SNAPC5: variants seen among roughly 807,000 people sequenced by gnomAD.
The protein encoded by SNAPC5 is snRNA-activating protein complex subunit 5.
A neutral mutation model predicts 9.1 loss-of-function variants in SNAPC5; 12 were observed. That is an observed-to-expected ratio of 1.32 (90% CI 0.85 to 2.15). SNAPC5 has a LOEUF of 2.15. SNAPC5 is among the 30% of genes most tolerant of loss of function. The pLI is 0.00. For synonymous variants in SNAPC5, 52 were observed against 47.3 expected (o/e 1.10, Z -0.41); for missense variants, 132 against 114.4 (o/e 1.15, Z -0.70).
chr15:66,497,299 T>C (rs148209259), intron 1 of SNAPC5, among the ~76,000 whole-genome samples: 57 of 152,248 alleles, frequency 3.7e-4, no homozygotes, highest in Admixed American at 9.8e-4. Flanking sequence ...CAGAGGGGTC[T>C]AGGCGAGCCT....
chr15:66,495,171 G>A, intron 2 of SNAPC5, 159 bp downstream of exon 2: 1 of 661,110 alleles, frequency 1.5e-6, no homozygotes, highest in Non-Finnish European at 2.8e-6. Context: ...GTGGTTAATG[G>A]AGAGTTGCCA....
chr15:66,495,161 G>A, intron 2 of SNAPC5, 169 bp downstream of exon 2: 2 of 643,616 alleles, frequency 3.1e-6, no homozygotes, highest in Non-Finnish European at 5.6e-6. Flanking sequence ...TGGTAGGAAG[G>A]TGGTTAATGG....
intron 2 of SNAPC5, chr15:66,494,908 G>A (rs1893375952): frequency 3.3e-6 from 1 of 305,086 alleles, no homozygotes; most frequent in African/African-American, 2.1e-5. Context: ...CTTACTTGAG[G>A]GCATTTGGTA....
downstream of SNAPC5, chr15:66,489,987 A>G (rs1192323602): frequency 3.3e-6 from 2 of 609,362 alleles, no homozygotes; most frequent in Non-Finnish European, 5.9e-6. Flanking sequence ...GCCAGAGGAA[A>G]TGCCTGAGGG....
At chr15:66,496,609 G>C (rs928930922) in intron 1 of SNAPC5, among the ~76,000 whole-genome samples, 2 of 149,130 alleles carry the variant, frequency 1.3e-5, no homozygotes, top group Non-Finnish European at 3.0e-5. Flanking sequence ...CTACAGCTTT[G>C]ACCACCTGGA....
rs747021147 is a variant in SNAPC5 at position 66,497,671 on chromosome 15, C to T, written c.61G>A (p.Ala21Thr). Reference sequence around the variant, plus strand: ...AGGCGGTTCAGCTGGTCGTGCAGGGCTGCCTTCAACCGCAGCAGCGTCTCC... The same window carrying T: ...AGGCGGTTCAGCTGGTCGTGCAGGGTTGCCTTCAACCGCAGCAGCGTCTCC... ...EEETLLRLKA[A>T]LHDQLNRLKV... Residue 21 changes from alanine to threonine, a missense_variant, in exon 1 of 3, where the codon GCC (alanine) becomes ACC (threonine). Coordinates refer to ENST00000316634, the MANE Select transcript of SNAPC5 (RefSeq NM_001329615.2). 8.1e-6 allele frequency: 13 copies of T among 1,613,906 alleles called. No individual in the cohort carries two copies. Among genetic ancestry groups the T allele is most frequent in the Admixed American group, 3.3e-5 (2 of 60,004 alleles).
chr15:66,493,972 C>CCTT lies in SNAPC5; in HGVS notation c.*461_*463dup, dbSNP rs1893340031. 1 of 155,306 alleles carries CCTT rather than the reference C, an allele frequency of 6.4e-6. No individual in the cohort carries two copies. The highest frequency in any genetic ancestry group is 2.4e-5 in the African/African-American group (1 of 41,602). The allele number at this position is 155,306 out of a possible 1,614,324, so 9.6% of individuals were successfully genotyped here. A position where few individuals can be genotyped will look rare whatever the true frequency, so the allele number is the denominator to read the frequency against. ...CTTGTGCTCTCAGACGGCCCTCAGT[C>CCTT]CTTCCCCTTGTCATCTTTCTGTCCT... is the stretch of plus-strand genomic sequence containing the variant. On this transcript the variant is annotated 3_prime_UTR_variant, in exon 3 of 3. Transcript: ENST00000316634.
Position 66,497,758 on chromosome 15 carries a change from G to C in SNAPC5, c.-27C>G, listed in dbSNP as rs762364690. The C allele has an allele frequency of 9.5e-6, 15 of 1,583,044 alleles. No homozygotes were observed. Among genetic ancestry groups the C allele is most frequent in the Admixed American group, 1.7e-5 (1 of 59,034 alleles). The stretch of plus-strand genomic sequence containing the variant: ...TTGCCTGGTCACATAGCCAACCTCC[G>C]GGCTGCTGTCGGCCCGGCACTCGGT... On this transcript the variant is annotated 5_prime_UTR_variant, in exon 1 of 3. Transcript: ENST00000316634.
intron 1 of SNAPC5, 151 bp downstream of exon 1, chr15:66,497,489 CCT>C: frequency 1.4e-6 from 1 of 721,914 alleles, no homozygotes; most frequent in Non-Finnish European, 2.5e-6. Flanking sequence ...GATTCAGATA[CCT>C]GTTTGTTTGT....
At chr15:66,490,506 A>T, downstream of SNAPC5, 2 of 1,611,350 alleles carry the variant, frequency 1.2e-6, no homozygotes, top group East Asian at 2.2e-5. Context: ...ATGCAGGTTC[A>T]TGCTTTTATC....
chr15:66,493,990 T>C lies in SNAPC5; in HGVS notation c.*446A>G, dbSNP rs1409896986. ...CCTCAGTCCTTCCCCTTGTCATCTTTCTGTCCTAGACTGTGTCCTAACTGC... is the reference window on the plus strand; with the variant it reads ...CCTCAGTCCTTCCCCTTGTCATCTTCCTGTCCTAGACTGTGTCCTAACTGC... On this transcript the variant is annotated 3_prime_UTR_variant, in exon 3 of 3. Transcript: ENST00000316634. 6.4e-6 allele frequency: 1 copy of C among 155,554 alleles called. No homozygotes were observed. The highest frequency in any genetic ancestry group is 2.4e-5 in the African/African-American group (1 of 41,504). The allele number at this position is 155,554 out of a possible 1,614,324, so 9.6% of individuals were successfully genotyped here. A position where few individuals can be genotyped will look rare whatever the true frequency, so the allele number is the denominator to read the frequency against.
At chr15:66,492,012 A>C (rs1320806733), downstream of SNAPC5, 1 of 456,634 alleles carries the variant, frequency 2.2e-6, no homozygotes, top group South Asian at 1.5e-5. Flanking sequence ...CTGGTGTGGG[A>C]GCTTTCTGCA....
Position 66,497,639 on chromosome 15 carries a change from C to T in SNAPC5, c.90+3G>A. The T allele has an allele frequency of 6.2e-7, 1 of 1,613,806 alleles. No individual in the cohort carries two copies. Among genetic ancestry groups the T allele is most frequent in the African/African-American group, 1.3e-5 (1 of 75,048 alleles). On this transcript the variant is annotated splice_donor_region_variant and intron_variant, in intron 1 of 2. Coordinates refer to ENST00000316634, the MANE Select transcript of SNAPC5 (RefSeq NM_001329615.2). ...GAGGGGCAGGAGAGGGCCGCGGGGT[C>T]ACCTTGAGGCGGTTCAGCTGGTCGT...
chr15:66,497,291 G>A (rs538145448), intron 1 of SNAPC5, among the ~76,000 whole-genome samples: 1 of 152,322 alleles, frequency 6.6e-6, no homozygotes, highest in South Asian at 2.1e-4. Context: ...TCGGTGGCCA[G>A]AGGGGTCTAG....
chr15:66,491,986 T>TA (rs1893272901), downstream of SNAPC5: 1 of 456,624 alleles, frequency 2.2e-6, no homozygotes. Flanking sequence ...GCCTTGCTGG[T>TA]GGCCAGCTTG....
chr15:66,495,790 G>C (rs1893410126), intron 1 of SNAPC5, among the ~76,000 whole-genome samples: 1 of 152,248 alleles, frequency 6.6e-6, no homozygotes. Context: ...GAACGTGAAG[G>C]AAAGAAGAAT....
intron 2 of SNAPC5, chr15:66,494,913 T>G (rs556612214): frequency 6.6e-6 from 2 of 305,096 alleles, no homozygotes; most frequent in East Asian, 1.5e-4. Context: ...TTGAGGGCAT[T>G]TGGTAAGAGA....
chr15:66,494,250 G>A lies in SNAPC5; in HGVS notation c.*186C>T. ...ACACAGCATCTTTGATTTTCTGTATGTCATAACATTCTGAAGCTTGAGTTA... is the reference window on the plus strand; with the variant it reads ...ACACAGCATCTTTGATTTTCTGTATATCATAACATTCTGAAGCTTGAGTTA... On this transcript the variant is annotated 3_prime_UTR_variant, in exon 3 of 3. Transcript: ENST00000316634. 1.6e-6 allele frequency: 1 copy of A among 627,542 alleles called. No homozygotes were observed. Among genetic ancestry groups the A allele is most frequent in the Non-Finnish European group, 2.9e-6 (1 of 348,316 alleles). The allele number at this position is 627,542 out of a possible 1,614,324, so 38.9% of individuals were successfully genotyped here.
chr15:66,492,938 T>C (rs543279983), downstream of SNAPC5, among the ~76,000 whole-genome samples: 13 of 152,278 alleles, frequency 8.5e-5, no homozygotes, highest in East Asian at 3.9e-4. Context: ...CTGGAATTCA[T>C]AGTCAAGTTT....
Sources: gnomAD v4.1 joint callset for allele counts (sites outside exome capture counted in the v4.1 genomes callset) on GRCh38, gnomAD v4.1.1 for gene constraint, MANE v1.5 for transcripts, NCBI Gene and HGNC (gene_info 2026-07-23, HGNC 2026-07-21) for gene names.